TOGARAM1: variants seen among roughly 807,000 people sequenced by gnomAD.
TOGARAM1 encodes the protein TOG array regulator of axonemal microtubules protein 1.
In TOGARAM1, 100 loss-of-function variants were observed where a neutral mutation model predicts 166.6. That is an observed-to-expected ratio of 0.60 (90% confidence interval 0.51 to 0.71). TOGARAM1 has a LOEUF of 0.71. Ranked by LOEUF, TOGARAM1 falls within the 30% of genes least tolerant of loss-of-function variation. TOGARAM1 has a pLI of 0.00. For missense variants in TOGARAM1, 2,029 were observed against 2,102.7 expected (o/e 0.96, Z 0.69); for synonymous variants, 758 against 763.8 (o/e 0.99, Z 0.13).
Position 45,052,546 on chromosome 14 carries a change from G to T in TOGARAM1, c.4424G>T (p.Arg1475Ile), listed in dbSNP as rs1206955843. The part of the protein sequence containing the change: ...KDLPYIKDSV[R>I]NLQQKGLGEI... ...TTGCCATATATTAAGGACTCTGTTAGAAACTTACAGCAAAAGGTATGTGGG... is the reference window on the plus strand; with the variant it reads ...TTGCCATATATTAAGGACTCTGTTATAAACTTACAGCAAAAGGTATGTGGG... The change falls in exon 15 of 20, where the codon AGA (arginine) becomes ATA (isoleucine). Residue 1475 changes from arginine (R) to isoleucine (I), a missense_variant. Physicochemically the swap from Arg to Ile is moderately conservative, Grantham distance 97 (BLOSUM62 -3). Coordinates refer to ENST00000361462, the MANE Select transcript of TOGARAM1 (RefSeq NM_001308120.2). 6.3e-7 allele frequency: 1 copy of T among 1,599,418 alleles called. No homozygotes were observed. Among genetic ancestry groups the T allele is most frequent in the Non-Finnish European group, 8.5e-7 (1 of 1,171,704 alleles).
At chr14:44,971,738 A>G (rs142335827) in intron 1 of TOGARAM1, among the ~76,000 whole-genome samples, 121 of 152,264 alleles carry the variant, frequency 7.9e-4, no homozygotes, top group African/African-American at 2.8e-3. Context: ...ATCTTGATAC[A>G]TTGTATTTTC....
intron 8 of TOGARAM1, among the ~76,000 whole-genome samples, chr14:45,026,418 A>G (rs73348076): frequency 0.11 from 16,936 of 152,126 alleles, 1,344 homozygotes; most frequent in African/African-American, 0.23. Context: ...AAATAGAATA[A>G]ACGTTTTGAA....
chr14:45,072,801 G>A (rs1883441176), intron 19 of TOGARAM1, among the ~76,000 whole-genome samples: 1 of 151,860 alleles, frequency 6.6e-6, no homozygotes, highest in Non-Finnish European at 1.5e-5. Flanking sequence ...AAGAAGGAAA[G>A]CAAAATTTAT....
rs574719255 is a variant in TOGARAM1 at position 44,986,131 on chromosome 14, T to C, written c.2047-9615T>C. Among the ~76,000 whole-genome samples, 5 of 152,308 alleles carry C rather than the reference T, an allele frequency of 3.3e-5. No individual in the cohort carries two copies. The East Asian group carries it at 9.6e-4, about 29-fold the overall frequency. On this transcript the variant is annotated intron_variant, in intron 1 of 19. Transcript: ENST00000361462. Reference sequence around the variant, plus strand: ...ACCATTAGAGGAAATTTAAGAAATTTAAGTTAATTAGGTTTTTCTGAGAAA... The same window carrying C: ...ACCATTAGAGGAAATTTAAGAAATTCAAGTTAATTAGGTTTTTCTGAGAAA...
At chr14:44,966,473 A>G (rs1464951891) in intron 1 of TOGARAM1, among the ~76,000 whole-genome samples, 2 of 152,092 alleles carry the variant, frequency 1.3e-5, no homozygotes, top group Admixed American at 6.5e-5. Flanking sequence ...ACTGCATCTC[A>G]AAAATAATAA....
At chr14:45,062,784 G>A (rs1045956676) in intron 16 of TOGARAM1, among the ~76,000 whole-genome samples, 5 of 152,134 alleles carry the variant, frequency 3.3e-5, no homozygotes, top group African/African-American at 7.2e-5. Context: ...TAGGCTAGAC[G>A]TATTGAATGC....
chr14:44,972,387 G>C (rs1172158123), intron 1 of TOGARAM1, among the ~76,000 whole-genome samples: 2 of 152,054 alleles, frequency 1.3e-5, no homozygotes, highest in East Asian at 3.9e-4. Context: ...ATTACATCTA[G>C]TTGATTATGA....
chr14:44,962,690 C>T lies in TOGARAM1; in HGVS notation c.269C>T (p.Ser90Leu). The change falls in exon 1 of 20, where the codon TCA becomes TTA. Residue 90 changes from serine to leucine, a missense_variant. Ser to Leu is a moderately radical substitution (Grantham distance 145). Coordinates refer to ENST00000361462, the MANE Select transcript of TOGARAM1 (RefSeq NM_001308120.2). ...TGGTCTGAGTCTGGAGGCGGTTTGTCAGGGGGAGATGAAGAGGACACTCGG... is the reference window on the plus strand; with the variant it reads ...TGGTCTGAGTCTGGAGGCGGTTTGTTAGGGGGAGATGAAGAGGACACTCGG... ...SSWSESGGGL[S>L]GGDEEDTRLL... 5 of 1,614,180 alleles carry T rather than the reference C, an allele frequency of 3.1e-6. No individual in the cohort carries two copies. Among genetic ancestry groups the T allele is most frequent in the Non-Finnish European group, 4.2e-6 (5 of 1,180,042 alleles).
At chr14:45,072,623 C>A (rs1242836838) in intron 19 of TOGARAM1, among the ~76,000 whole-genome samples, 1 of 152,028 alleles carries the variant, frequency 6.6e-6, no homozygotes, top group East Asian at 1.9e-4. Context: ...TGGGGCTTCA[C>A]CATGTTGGCC....
chr14:45,010,352 A>T (rs1340202477), intron 6 of TOGARAM1, among the ~76,000 whole-genome samples: 1 of 152,188 alleles, frequency 6.6e-6, no homozygotes, highest in Non-Finnish European at 1.5e-5. Flanking sequence ...AGGTAGAATA[A>T]TAGGTATATT....
At chr14:45,065,838 C>T (rs1566676013) in intron 16 of TOGARAM1, among the ~76,000 whole-genome samples, 1 of 152,066 alleles carries the variant, frequency 6.6e-6, no homozygotes. Flanking sequence ...GAAAGAGGTT[C>T]AAGGTAATTT....
At position 45,006,078 on chromosome 14, in the gene TOGARAM1, A is replaced by C. The variant is rs1385423002; in HGVS notation, c.2715A>C (p.Arg905=). 6.2e-7 allele frequency: 1 copy of C among 1,613,562 alleles called. No individual in the cohort carries two copies. Among genetic ancestry groups the C allele is most frequent in the Admixed American group, 1.7e-5 (1 of 59,998 alleles). The change falls in exon 5 of 20, where the codon CGA becomes CGC. Residue 905 remains arginine (R), a synonymous_variant. Transcript: ENST00000361462. ...PALVRSPSSR[R]GLNGTKPVPP... ...TGGTGAGATCGCCATCTTCCCGACG[A>C]GGTCTAAATGGGACAAAGCCTGTTC...
chr14:45,026,064 A>G (rs1880821815), intron 8 of TOGARAM1, among the ~76,000 whole-genome samples, 192 bp downstream of exon 8: 1 of 152,214 alleles, frequency 6.6e-6, no homozygotes, highest in African/African-American at 2.4e-5. Context: ...TAATGAAACT[A>G]TAGTAAATTC....
At chr14:45,045,869 A>G (rs1882045291) in intron 13 of TOGARAM1, among the ~76,000 whole-genome samples, 1 of 151,258 alleles carries the variant, frequency 6.6e-6, no homozygotes, top group South Asian at 2.1e-4. Flanking sequence ...ATGTGCAAGT[A>G]TCTTTTTCAC....
chr14:45,044,534 C>A (rs1881885211), intron 12 of TOGARAM1, 101 bp from the exon 13 acceptor site: 2 of 736,888 alleles, frequency 2.7e-6, no homozygotes, highest in Admixed American at 8.7e-5. Flanking sequence ...GAGCGAGACC[C>A]TAACTCAAAA....
At chr14:45,060,073 C>T (rs1410894378) in intron 16 of TOGARAM1, among the ~76,000 whole-genome samples, 1 of 151,708 alleles carries the variant, frequency 6.6e-6, no homozygotes, top group African/African-American at 2.4e-5. Flanking sequence ...CCACCACAAC[C>T]AGCTAATTTT....
chr14:45,012,686 G>C (rs1879879961), intron 7 of TOGARAM1, among the ~76,000 whole-genome samples: 1 of 152,180 alleles, frequency 6.6e-6, no homozygotes, highest in Admixed American at 6.5e-5. Flanking sequence ...TGAATAAACT[G>C]TAACAAATTG....
chr14:45,064,566 GGCT>G (rs1454391750), intron 16 of TOGARAM1, among the ~76,000 whole-genome samples: 1 of 151,946 alleles, frequency 6.6e-6, no homozygotes, highest in Non-Finnish European at 1.5e-5. Flanking sequence ...GACCTCCCAG[GGCT>G]CAAGTGTCCT....
chr14:44,963,603 C>T lies in TOGARAM1; in HGVS notation c.1182C>T (p.Gly394=). The part of the protein sequence containing the change: ...PSSTPHSSLV[G]FISLLYNLLD... The stretch of plus-strand genomic sequence containing the variant: ...CTACTCCTCATTCTAGTCTTGTTGG[C>T]TTCATTAGTTTGCTATATAATTTGT... Residue 394 remains glycine, a synonymous_variant, in exon 1 of 20, where the codon GGC becomes GGT. Coordinates refer to ENST00000361462, the MANE Select transcript of TOGARAM1 (RefSeq NM_001308120.2). The T allele has an allele frequency of 6.2e-7, 1 of 1,613,518 alleles. No individual in the cohort carries two copies. Among genetic ancestry groups the T allele is most frequent in the South Asian group, 1.1e-5 (1 of 91,026 alleles).
Sources: gnomAD v4.1 joint callset for allele counts (sites outside exome capture counted in the v4.1 genomes callset) on GRCh38, gnomAD v4.1.1 for gene constraint, MANE v1.5 for transcripts, NCBI Gene and HGNC (gene_info 2026-07-23, HGNC 2026-07-21) for gene names.